CELF2: variants seen among roughly 807,000 people sequenced by gnomAD.
CELF2 encodes CUG triplet repeat RNA-binding protein 2.
CELF2 carries 8 observed loss-of-function variants against 62.6 expected under a neutral mutation model. The observed-to-expected ratio is 0.13, with a 90% CI of 0.07 to 0.23. CELF2 has a LOEUF of 0.23. CELF2 is among the 10% of genes least tolerant of loss of function. CELF2 has a pLI of 1.00. For missense variants in CELF2, 333 were observed against 671.0 expected, an observed-to-expected ratio of 0.50 and a Z score of 5.56; for synonymous variants, 258 against 250.0, an observed-to-expected ratio of 1.03 and a Z score of -0.30.
At position 11,246,415 on chromosome 10, in the gene CELF2, T is replaced by G. The variant is rs962747615; in HGVS notation, c.355-2738T>G. 2.6e-5 allele frequency among the ~76,000 whole-genome samples: 4 copies of G among 152,160 alleles called. No homozygotes were observed. The highest frequency in any genetic ancestry group is 9.7e-5 in the African/African-American group (4 of 41,434). ...CCACTGAGCTTCCTGTTGAACTCCC[T>G]TTGCAGGTGACCTCAAAATAGAAGA... On this transcript the variant is annotated intron_variant, in intron 3 of 12. Transcript: ENST00000633077. This position sits in a 1 kb window ranked among gnomAD's most constrained non-coding sequence, Gnocchi z 4.6.
At chr10:11,153,830 G>A (rs77941917) in intron 1 of CELF2, among the ~76,000 whole-genome samples, 1,653 of 152,290 alleles carry the variant, frequency 0.011, 24 homozygotes, top group African/African-American at 0.037. Flanking sequence ...GGGAGCATCC[G>A]CAGAATTGTA....
At chr10:11,140,274 A>C (rs1045086657) in intron 1 of CELF2, among the ~76,000 whole-genome samples, 2 of 152,148 alleles carry the variant, frequency 1.3e-5, no homozygotes, top group African/African-American at 4.8e-5. Flanking sequence ...CGGGTTCTCA[A>C]TCTGTCGCCC....
chr10:10,674,557 G>A, the CELF2 span, among the ~76,000 whole-genome samples: 1 of 152,018 alleles, frequency 6.6e-6, no homozygotes, highest in East Asian at 1.9e-4. Flanking sequence ...TACCATATTT[G>A]TTACTATTTC....
At chr10:11,038,907 T>G (rs531262870) in intron 1 of CELF2, among the ~76,000 whole-genome samples, 1 of 152,288 alleles carries the variant, frequency 6.6e-6, no homozygotes, top group Admixed American at 6.5e-5. Flanking sequence ...TAAACTTGCT[T>G]TTGGAGTTAA....
chr10:10,654,425 T>C, the CELF2 span, among the ~76,000 whole-genome samples: 1 of 111,470 alleles, frequency 9.0e-6, no homozygotes, highest in Non-Finnish European at 1.9e-5. Flanking sequence ...AAAAAGAGAA[T>C]TTTAGACCAA....
the CELF2 span, among the ~76,000 whole-genome samples, chr10:10,698,941 A>G: frequency 2.8e-4 from 43 of 152,244 alleles, no homozygotes; most frequent in African/African-American, 1.0e-3. Flanking sequence ...TATATAATAT[A>G]CTCATAAATG....
the CELF2 span, among the ~76,000 whole-genome samples, chr10:10,515,642 A>C: frequency 6.6e-6 from 1 of 152,156 alleles, no homozygotes; most frequent in Admixed American, 6.5e-5. Flanking sequence ...AAGAAGGAAA[A>C]AAATGTAGCC....
chr10:10,752,624 A>G, the CELF2 span, among the ~76,000 whole-genome samples: 1 of 132,176 alleles, frequency 7.6e-6, no homozygotes, highest in Non-Finnish European at 1.5e-5. Context: ...CGGGAGGTGG[A>G]GGTTGCAGTG....
At chr10:10,898,934 T>C (rs1051576084) in intron 1 of CELF2, among the ~76,000 whole-genome samples, 1 of 152,260 alleles carries the variant, frequency 6.6e-6, no homozygotes, top group African/African-American at 2.4e-5. Context: ...TATTGAATTA[T>C]AAATCAGTAG....
chr10:10,989,620 T>C (rs2053204838), intron 2 of CELF2, among the ~76,000 whole-genome samples: 1 of 151,736 alleles, frequency 6.6e-6, no homozygotes, highest in Non-Finnish European at 1.5e-5. Flanking sequence ...ACTCTCAGGG[T>C]AGGTGAGACT....
In CELF2 at chr10:10,908,214, ATTTTTTT is replaced by A. The variant is rs796857171; in HGVS notation, c.54-11733_54-11727del. Among the ~76,000 whole-genome samples, 341 of 83,742 alleles carry A rather than the reference ATTTTTTT, an allele frequency of 4.1e-3. 11 individuals carry two copies. The highest frequency in any genetic ancestry group is 0.011 in the African/African-American group (218 of 20,638). 54.9% of individuals were successfully genotyped at this position (83,742 alleles called of 152,430 possible). A position where few individuals can be genotyped will look rare whatever the true frequency, so the allele number is the denominator to read the frequency against. On this transcript the variant is annotated intron_variant, in intron 1 of 13. Transcript: ENST00000636488. ...TCCTTGTCAAAGAATGTATGAGGGGATTTTTTTTTTTTTTTTTTTTTTTGAAACAGAG... is the reference window on the plus strand; with the variant it reads ...TCCTTGTCAAAGAATGTATGAGGGGATTTTTTTTTTTTTTTTGAAACAGAG...
At chr10:10,689,276 G>A in the CELF2 span, among the ~76,000 whole-genome samples, 886 of 152,234 alleles carry the variant, frequency 5.8e-3, 2 homozygotes, top group Non-Finnish European at 8.2e-3. Context: ...ATGGTGGCAG[G>A]AGAGAGAAAC....
chr10:11,007,638 G>A lies in CELF2; in HGVS notation c.53+2198G>A, dbSNP rs548628381. Among the ~76,000 whole-genome samples, 8 of 152,270 alleles carry A rather than the reference G, an allele frequency of 5.3e-5. No homozygotes were observed. In the South Asian group the frequency reaches 8.3e-4, roughly 16 times the overall value. On this transcript the variant is annotated intron_variant, in intron 1 of 12. Coordinates refer to the CELF2 transcript ENST00000416382. Reference sequence around the variant, plus strand: ...ATCGTATACCAATAACTGCTTTCAAGATGGGCTCATAAAAGGTAATTGGTG... The same window carrying A: ...ATCGTATACCAATAACTGCTTTCAAAATGGGCTCATAAAAGGTAATTGGTG...
chr10:11,154,092 T>TA (rs1345283507), intron 1 of CELF2, among the ~76,000 whole-genome samples: 1 of 152,162 alleles, frequency 6.6e-6, no homozygotes, highest in Non-Finnish European at 1.5e-5. Flanking sequence ...GAAATGGCTT[T>TA]AAAAAAATCA....
At chr10:10,694,935 C>A in the CELF2 span, among the ~76,000 whole-genome samples, 1 of 151,100 alleles carries the variant, frequency 6.6e-6, no homozygotes, top group Non-Finnish European at 1.5e-5. Context: ...TTCCTGAATA[C>A]AGCACACTGA....
At chr10:10,602,479 A>G in the CELF2 span, among the ~76,000 whole-genome samples, 431 of 118,588 alleles carry the variant, frequency 3.6e-3, 2 homozygotes, top group African/African-American at 0.012. Flanking sequence ...CTGGAGTAGT[A>G]GCATGTTCTA....
chr10:10,538,334 C>T, the CELF2 span, among the ~76,000 whole-genome samples: 10 of 152,304 alleles, frequency 6.6e-5, no homozygotes, highest in African/African-American at 2.4e-4. Context: ...CCCAGTGCTG[C>T]ATTCAATGGA....
chr10:10,581,701 A>T, the CELF2 span, among the ~76,000 whole-genome samples: 5 of 152,174 alleles, frequency 3.3e-5, no homozygotes, highest in Non-Finnish European at 7.4e-5. Flanking sequence ...TTTGGTAACC[A>T]TTAAGATATC....
rs2062771450 is a variant in CELF2 at position 11,046,031 on chromosome 10, T to A, written c.74+27868T>A. Among the ~76,000 whole-genome samples, 1 of 152,198 alleles carries A rather than the reference T, an allele frequency of 6.6e-6. No homozygotes were observed. The highest frequency in any genetic ancestry group is 6.5e-5 in the Admixed American group (1 of 15,286). The stretch of plus-strand genomic sequence containing the variant: ...AATTTAAAATGCTCAGGGTTTGTTT[T>A]TAAAGGCAACGACTCGCTCATGAAG... On this transcript the variant is annotated intron_variant, in intron 1 of 12. Transcript: ENST00000633077. The surrounding 1 kb of genome is among the most constrained non-coding windows in gnomAD (Gnocchi z 4.6).
Sources: gnomAD v4.1 joint callset for allele counts (sites outside exome capture counted in the v4.1 genomes callset) on GRCh38, gnomAD v4.1.1 for gene constraint, Gnocchi (gnomAD v3.1) non-coding constraint, MANE v1.5 for transcripts, NCBI Gene and HGNC (gene_info 2026-07-23, HGNC 2026-07-21) for gene names.